The following SEPTIN10 variants were observed in gnomAD, a reference collection of about 807,000 sequenced individuals.
SEPTIN10 encodes septin 10, also known as septin-10.
A neutral mutation model predicts 54.8 loss-of-function variants in SEPTIN10; 66 were observed. That is an observed-to-expected ratio of 1.21 (90% CI 0.99 to 1.48). SEPTIN10 has a LOEUF of 1.48. SEPTIN10 is among the 40% of genes most tolerant of loss of function. The pLI, the probability that SEPTIN10 is intolerant of heterozygous loss-of-function variation, is 0.00. For synonymous variants in SEPTIN10, 161 were observed against 181.0 expected (o/e 0.89, Z 0.89); for missense variants, 620 against 545.6 (o/e 1.14, Z -1.36).
At position 109,544,320 on chromosome 2, in the gene SEPTIN10, T is replaced by C. The variant is rs1188681875; in HGVS notation, c.1354A>G (p.Asn452Asp). The change falls in exon 11 of 11, where the codon AAT becomes GAT. Residue 452 changes from asparagine (N) to aspartate (D), a missense_variant. By Grantham distance (23) the Asn-to-Asp change is conservative (BLOSUM62 1). Transcript: ENST00000397712. ...CTGGAACTTCTGTTTTACAAAAAATTGGAGCTGGAAAGAAAAAGAACCTTT... is the reference window on the plus strand; with the variant it reads ...CTGGAACTTCTGTTTTACAAAAAATCGGAGCTGGAAAGAAAAAGAACCTTT... Reference protein sequence around the residue: ...LRKDKDRKNSNFL With the variant: ...LRKDKDRKNSDFL 3 of 1,589,326 alleles carry C rather than the reference T, an allele frequency of 1.9e-6. No individual in the cohort carries two copies. The highest frequency in any genetic ancestry group is 1.4e-5 in the African/African-American group (1 of 72,990).
At chr2:109,550,202 A>G (rs1229813478) in intron 9 of SEPTIN10, among the ~76,000 whole-genome samples, 3 of 151,804 alleles carry the variant, frequency 2.0e-5, no homozygotes, top group African/African-American at 7.3e-5. Context: ...AGGCAGGACA[A>G]TTGCTTGAAC....
At chr2:109,551,137 G>A (rs1478841870) in intron 9 of SEPTIN10, among the ~76,000 whole-genome samples, 1 of 152,182 alleles carries the variant, frequency 6.6e-6, no homozygotes, top group East Asian at 1.9e-4. Context: ...ACGATATTTG[G>A]AGACATCATT....
intron 4 of SEPTIN10, among the ~76,000 whole-genome samples, chr2:109,584,820 C>T (rs1304415347): frequency 6.6e-6 from 1 of 151,996 alleles, no homozygotes; most frequent in Non-Finnish European, 1.5e-5. Flanking sequence ...TAAGCCCTGC[C>T]TGAAAATTAG....
chr2:109,590,630 C>T (rs1009042463), intron 2 of SEPTIN10, among the ~76,000 whole-genome samples: 3 of 152,058 alleles, frequency 2.0e-5, no homozygotes, highest in Admixed American at 6.6e-5. Context: ...CAAGGTTTCA[C>T]GTCGGTCAGG....
At chr2:109,565,433 T>TC (rs1156585274) in intron 7 of SEPTIN10, among the ~76,000 whole-genome samples, 216 of 152,328 alleles carry the variant, frequency 1.4e-3, no homozygotes, top group African/African-American at 4.6e-3. Context: ...TATAAATTTA[T>TC]AAGATGGTTG....
At chr2:109,569,155 G>A (rs559473459) in intron 5 of SEPTIN10, among the ~76,000 whole-genome samples, 2 of 152,180 alleles carry the variant, frequency 1.3e-5, no homozygotes, top group South Asian at 4.2e-4. Context: ...TTGACTGGGC[G>A]TGGTGGCTCA....
At chr2:109,591,038 C>T (rs988449647) in intron 2 of SEPTIN10, among the ~76,000 whole-genome samples, 9 of 152,168 alleles carry the variant, frequency 5.9e-5, no homozygotes, top group African/African-American at 2.2e-4. Context: ...CGTTTTAAGC[C>T]GCTAAATTTG....
At position 109,613,932 on chromosome 2, in the gene SEPTIN10, G is replaced by T. The variant is rs1032991181; in HGVS notation, c.-105C>A. 6.1e-5 allele frequency: 74 copies of T among 1,221,168 alleles called. No homozygotes were observed. Among genetic ancestry groups the T allele is most frequent in the Non-Finnish European group, 7.3e-5 (72 of 980,994 alleles). The allele number at this position is 1,221,168 out of a possible 1,614,324, so 75.6% of individuals were successfully genotyped here. ...CCGGAGGGCAGAAGCAACGGGCGGGGCGCGAGGCTAGGCTGCCTCCGCGAC... is the reference window on the plus strand; with the variant it reads ...CCGGAGGGCAGAAGCAACGGGCGGGTCGCGAGGCTAGGCTGCCTCCGCGAC... On this transcript the variant is annotated 5_prime_UTR_variant, in exon 1 of 11. Transcript: ENST00000397712.
At position 109,585,157 on chromosome 2, in the gene SEPTIN10, C is replaced by G; in HGVS notation, c.382G>C (p.Gly128Arg). Residue 128 changes from glycine to arginine, a missense_variant, in exon 4 of 11, where the codon GGA (glycine) becomes CGA (arginine). Physicochemically the swap from Gly to Arg is moderately radical, Grantham distance 125. Coordinates refer to ENST00000397712, the MANE Select transcript of SEPTIN10 (RefSeq NM_144710.5). ...TCTTTATTTATTTGGTCACCAAATC[C>G]CACTGTATTCACAATGGTCAATTTC... ...QLKLTIVNTV[G>R]FGDQINKEES... is the part of the protein sequence containing the mutation. 1.3e-6 allele frequency: 2 copies of G among 1,594,418 alleles called. No individual in the cohort carries two copies. The highest frequency in any genetic ancestry group is 2.3e-5 in the South Asian group (2 of 86,758).
chr2:109,593,382 T>C (rs1020981940), intron 1 of SEPTIN10, among the ~76,000 whole-genome samples: 3 of 150,794 alleles, frequency 2.0e-5, no homozygotes, highest in African/African-American at 4.9e-5. Context: ...TTAGTAAACT[T>C]CCATTTACAA....
At chr2:109,571,212 G>C (rs555610008) in intron 5 of SEPTIN10, among the ~76,000 whole-genome samples, 1 of 152,186 alleles carries the variant, frequency 6.6e-6, no homozygotes, top group African/African-American at 2.4e-5. Flanking sequence ...CTAAGGAACT[G>C]TAAGTCAATT....
Position 109,613,857 on chromosome 2 carries a change from T to A in SEPTIN10, c.-30A>T, listed in dbSNP as rs1414576821. On this transcript the variant is annotated 5_prime_UTR_variant, in exon 1 of 11. Coordinates refer to ENST00000397712, the MANE Select transcript of SEPTIN10 (RefSeq NM_144710.5). ...GCGGGCAGGGGCACGGTGAAGCGGC[T>A]GTATCAGCCCGGCCCCGAGCGGCTG... 3.2e-6 allele frequency: 4 copies of A among 1,233,224 alleles called. No homozygotes were observed. Among genetic ancestry groups the A allele is most frequent in the Non-Finnish European group, 4.0e-6 (4 of 989,436 alleles). The allele number at this position is 1,233,224 out of a possible 1,614,324, so 76.4% of individuals were successfully genotyped here. A position where few individuals can be genotyped will look rare whatever the true frequency, so the allele number is the denominator to read the frequency against.
intron 1 of SEPTIN10, among the ~76,000 whole-genome samples, chr2:109,612,422 C>T (rs570950546): frequency 6.6e-6 from 1 of 152,218 alleles, no homozygotes; most frequent in East Asian, 1.9e-4. Context: ...GTTGTGATAT[C>T]GTACTATGGG....
chr2:109,546,133 T>C lies in SEPTIN10; in HGVS notation c.1266A>G (p.Lys422=), dbSNP rs1420590952. 6.2e-7 allele frequency: 1 copy of C among 1,611,656 alleles called. No individual in the cohort carries two copies. Among genetic ancestry groups the C allele is most frequent in the Admixed American group, 1.7e-5 (1 of 59,596 alleles). ...GAAATATCTCGGAGGTAGCTTTCTT[T>C]TTAGAGAAAGCAATTATTTCTTCTT... The part of the protein sequence containing the change: ...LLEEEIIAFS[K]KKATSEIFHS... Residue 422 remains lysine (K), a synonymous_variant, in exon 10 of 11, where the codon AAA becomes AAG. Coordinates refer to ENST00000397712, the MANE Select transcript of SEPTIN10 (RefSeq NM_144710.5).
intron 1 of SEPTIN10, among the ~76,000 whole-genome samples, chr2:109,598,502 G>C (rs1397550702): frequency 6.6e-6 from 1 of 152,148 alleles, no homozygotes; most frequent in Non-Finnish European, 1.5e-5. Flanking sequence ...TTAGGATAAT[G>C]TGAGCGAGAG....
At chr2:109,613,703 C>T in intron 1 of SEPTIN10, 95 bp downstream of exon 1, 3 of 865,060 alleles carry the variant, frequency 3.5e-6, no homozygotes, top group Non-Finnish European at 4.5e-6. Context: ...GGGTCACAAT[C>T]CCGGGCCGGA....
At chr2:109,601,007 C>T (rs1205597436) in intron 1 of SEPTIN10, among the ~76,000 whole-genome samples, 2 of 152,220 alleles carry the variant, frequency 1.3e-5, no homozygotes, top group Non-Finnish European at 2.9e-5. Context: ...GGGTATGCCA[C>T]CCTCCCAACA....
At chr2:109,572,366 C>T (rs541735124) in intron 5 of SEPTIN10, among the ~76,000 whole-genome samples, 1 of 152,310 alleles carries the variant, frequency 6.6e-6, no homozygotes, top group African/African-American at 2.4e-5. Flanking sequence ...ATCTCCTGAC[C>T]TTGTGACTTG....
intron 8 of SEPTIN10, 156 bp downstream of exon 8, chr2:109,564,210 G>T: frequency 1.6e-6 from 1 of 610,196 alleles, no homozygotes; most frequent in Non-Finnish European, 2.5e-6. Flanking sequence ...GGAGTCAAGT[G>T]ATTCAAGAAG....
Sources: allele counts gnomAD v4.1 joint callset (sites outside exome capture counted in the v4.1 genomes callset), GRCh38; gene constraint gnomAD v4.1.1; transcripts MANE v1.5; gene names NCBI Gene and HGNC (gene_info 2026-07-23, HGNC 2026-07-21).